Variants in LIPH observed in about 807,000 individuals in gnomAD.
LIPH encodes lipase H, also known as lipase member H.
A neutral mutation model predicts 47.6 loss-of-function variants in LIPH; 32 were observed. That is an observed-to-expected ratio of 0.67 (90% CI 0.51 to 0.90). LIPH has a LOEUF of 0.90. Ranked by LOEUF, LIPH falls within the 40% of genes least tolerant of loss-of-function variation. The probability of loss-of-function intolerance (pLI) is 0.00; values close to 1 mark genes in which losing one functional copy is unlikely to be tolerated. For synonymous variants in LIPH, 190 were observed against 195.6 expected, an observed-to-expected ratio of 0.97 and a Z score of 0.24; for missense variants, 497 against 541.4, an observed-to-expected ratio of 0.92 and a Z score of 0.81.
chr3:185,515,612 A>G (rs886637214), intron 7 of LIPH, among the ~76,000 whole-genome samples: 1 of 152,010 alleles, frequency 6.6e-6, no homozygotes, highest in Admixed American at 6.6e-5. Flanking sequence ...GGGTTCAAGC[A>G]ATTCTCCAGC....
rs556013795 is a variant in LIPH at position 185,517,273 on chromosome 3, A to C, written c.887-111T>G. The C allele has an allele frequency of 7.1e-6, 5 of 699,688 alleles. No individual in the cohort carries two copies. The Admixed American group carries it at 7.9e-5, about 11-fold the overall frequency. 43.3% of individuals were successfully genotyped at this position (699,688 alleles called of 1,614,324 possible). A position where few individuals can be genotyped will look rare whatever the true frequency, so the allele number is the denominator to read the frequency against. ...ACTGTATCCACCACTTCTGAGAGAA[A>C]CTCCATCCCACCTCCATCCCCCATG... On this transcript the variant is annotated intron_variant, in intron 6 of 9. Coordinates refer to ENST00000296252, the MANE Select transcript of LIPH (RefSeq NM_139248.3).
At chr3:185,546,352 C>CAAAAAAA (rs56984831) in intron 1 of LIPH, among the ~76,000 whole-genome samples, 2 of 60,546 alleles carry the variant, frequency 3.3e-5, no homozygotes, top group South Asian at 5.4e-4. Context: ...GACTCCGTCT[C>CAAAAAAA]AAAAAAAAAA....
At chr3:185,527,132 G>A (rs973526734) in intron 4 of LIPH, among the ~76,000 whole-genome samples, 2 of 152,096 alleles carry the variant, frequency 1.3e-5, no homozygotes, top group Non-Finnish European at 2.9e-5. Flanking sequence ...CCAGATACTC[G>A]GGAGGCTGAG....
In LIPH at chr3:185,515,969, G is replaced by T. The variant is rs180980334; in HGVS notation, c.982+1098C>A. ...ACATAGTGAGATTCTGTCTCTAAAAGAAACAAAAAAAACAGTTAGCTGGGC... is the reference window on the plus strand; with the variant it reads ...ACATAGTGAGATTCTGTCTCTAAAATAAACAAAAAAAACAGTTAGCTGGGC... On this transcript the variant is annotated intron_variant, in intron 7 of 9. Transcript: ENST00000296252. Among the ~76,000 whole-genome samples the T allele has an allele frequency of 3.2e-3, 491 of 152,016 alleles. 3 individuals carry two copies. Among genetic ancestry groups the T allele is most frequent in the South Asian group, 7.5e-3 (36 of 4,814 alleles).
At position 185,524,145 on chromosome 3, in the gene LIPH, T is replaced by G; in HGVS notation, c.644A>C (p.Glu215Ala). The change falls in exon 5 of 10, where the codon GAG (glutamate) becomes GCG (alanine). Residue 215 changes from glutamate (E) to alanine (A), a missense_variant. Coordinates refer to ENST00000296252, the MANE Select transcript of LIPH (RefSeq NM_139248.3). ...HSDTDALGYK[E>A]PLGNIDFYPN... Reference sequence around the variant, plus strand: ...GTAGAAGTCTATGTTTCCTAATGGCTCCTTGTAGCCCAGTGCTAAAAGAGA... The same window carrying G: ...GTAGAAGTCTATGTTTCCTAATGGCGCCTTGTAGCCCAGTGCTAAAAGAGA... 6.2e-7 allele frequency: 1 copy of G among 1,610,650 alleles called. No homozygotes were observed. The highest frequency in any genetic ancestry group is 2.2e-5 in the East Asian group (1 of 44,876).
rs1448618775 is a variant in LIPH at position 185,527,604 on chromosome 3, C to T, written c.527-19G>A. The T allele has an allele frequency of 2.0e-6, 3 of 1,507,960 alleles. No homozygotes were observed. The highest frequency in any genetic ancestry group is 3.4e-5 in the Admixed American group (2 of 59,278). 93.4% of individuals were successfully genotyped at this position (1,507,960 alleles called of 1,614,324 possible). The stretch of plus-strand genomic sequence containing the variant: ...TCGAGGCCTGGAAGGAAAACAGAGT[C>T]ACTTGGCAGCCCCACACCATGAGTC... On this transcript the variant is annotated intron_variant, in intron 3 of 9. Coordinates refer to ENST00000296252, the MANE Select transcript of LIPH (RefSeq NM_139248.3).
intron 7 of LIPH, among the ~76,000 whole-genome samples, chr3:185,515,299 G>A (rs1478589019): frequency 6.7e-5 from 10 of 150,000 alleles, no homozygotes; most frequent in African/African-American, 2.5e-4. Flanking sequence ...ATGTCTTATG[G>A]GTTTTTTTAA....
rs1720224734 is a variant in LIPH, at chr3:185,529,179, AAAAAAAAAAAAAAG to A, written c.527-1608_527-1595del. Among the ~76,000 whole-genome samples, 2 of 146,478 alleles carry A rather than the reference AAAAAAAAAAAAAAG, an allele frequency of 1.4e-5. 1 individual carries two copies. Among genetic ancestry groups the A allele is most frequent in the Non-Finnish European group, 3.0e-5 (2 of 66,574 alleles). ...GTGACAGAGCGAGACTCCGTCTCAA[AAAAAAAAAAAAAAG>A]AAAAAAAGAAAAAGAAAAAGAAAGA... is the stretch of plus-strand genomic sequence containing the variant. On this transcript the variant is annotated intron_variant, in intron 3 of 9. Coordinates refer to ENST00000296252, the MANE Select transcript of LIPH (RefSeq NM_139248.3).
At chr3:185,536,680 A>G (rs570540806) in intron 1 of LIPH, among the ~76,000 whole-genome samples, 1 of 152,200 alleles carries the variant, frequency 6.6e-6, no homozygotes, top group East Asian at 1.9e-4. Context: ...AAATAAATAA[A>G]TATGTAAATA....
intron 1 of LIPH, among the ~76,000 whole-genome samples, chr3:185,546,485 C>T (rs898550230): frequency 1.3e-5 from 2 of 151,538 alleles, no homozygotes; most frequent in Middle Eastern, 3.4e-3. Flanking sequence ...AATATGGCAA[C>T]ACCCATCTCT....
intron 6 of LIPH, 140 bp from the exon 7 acceptor site, chr3:185,517,302 A>AG (rs1039373860): frequency 3.1e-6 from 2 of 641,454 alleles, no homozygotes; most frequent in African/African-American, 3.6e-5. Flanking sequence ...CCCCATGGTG[A>AG]GGGCCTGCAG....
At chr3:185,542,041 G>A (rs147676117) in intron 1 of LIPH, among the ~76,000 whole-genome samples, 12,029 of 152,148 alleles carry the variant, frequency 0.079, 653 homozygotes, top group Non-Finnish European at 0.11. Flanking sequence ...ACAAGCGTGA[G>A]CCACCGTGCC....
chr3:185,514,976 T>G (rs182161476), intron 7 of LIPH, among the ~76,000 whole-genome samples: 3 of 152,274 alleles, frequency 2.0e-5, no homozygotes, highest in Admixed American at 2.0e-4. Context: ...CTCCCTGCAC[T>G]GTGAAGGCTC....
intron 1 of LIPH, among the ~76,000 whole-genome samples, chr3:185,536,101 C>A (rs1720495700): frequency 6.6e-6 from 1 of 152,188 alleles, no homozygotes; most frequent in African/African-American, 2.4e-5. Context: ...GTTGACGACA[C>A]AATGAAAACC....
chr3:185,530,957 C>G lies in LIPH; in HGVS notation c.526+2614G>C, dbSNP rs73056817. On this transcript the variant is annotated intron_variant, in intron 3 of 9. Transcript: ENST00000296252. Reference sequence around the variant, plus strand: ...GATGAATAAAACATCTGAAGCAGGACAGTTTTCAGAGTGATAACGGTGCTC... The same window carrying G: ...GATGAATAAAACATCTGAAGCAGGAGAGTTTTCAGAGTGATAACGGTGCTC... 2.5e-3 allele frequency among the ~76,000 whole-genome samples: 383 copies of G among 152,256 alleles called. 2 individuals are homozygous for G. Among genetic ancestry groups the G allele is most frequent in the African/African-American group, 8.2e-3 (341 of 41,540 alleles).
intron 1 of LIPH, 133 bp downstream of exon 1, chr3:185,552,290 T>C: frequency 3.2e-6 from 2 of 627,858 alleles, no homozygotes; most frequent in Non-Finnish European, 5.8e-6. Context: ...ACAGGCTTCC[T>C]ATATCTTTTT....
chr3:185,522,765 T>C (rs1200405036), intron 5 of LIPH, among the ~76,000 whole-genome samples: 1 of 152,068 alleles, frequency 6.6e-6, no homozygotes, highest in Non-Finnish European at 1.5e-5. Context: ...CCATTTATGT[T>C]TTAGAGTTTT....
intron 5 of LIPH, among the ~76,000 whole-genome samples, chr3:185,520,147 TGGTGAG>T (rs1216852304): frequency 6.6e-6 from 1 of 152,180 alleles, no homozygotes; most frequent in African/African-American, 2.4e-5. Flanking sequence ...CAAGCTGACA[TGGTGAG>T]GGTGCTTGGG....
chr3:185,527,055 C>T (rs1206476207), intron 4 of LIPH, among the ~76,000 whole-genome samples: 1 of 151,868 alleles, frequency 6.6e-6, no homozygotes, highest in Non-Finnish European at 1.5e-5. Flanking sequence ...CTGGCTAACA[C>T]GGTGAAACCC....
Sources: allele counts gnomAD v4.1 joint callset (sites outside exome capture counted in the v4.1 genomes callset), GRCh38; gene constraint gnomAD v4.1.1; transcripts MANE v1.5; gene names NCBI Gene and HGNC (gene_info 2026-07-23, HGNC 2026-07-21).